The following PLPPR5 variants were observed in gnomAD, a reference collection of about 807,000 sequenced individuals.
PLPPR5 encodes phospholipid phosphatase-related protein type 5.
PLPPR5 carries 16 observed loss-of-function variants against 33.9 expected under a neutral mutation model. The observed-to-expected ratio is 0.47, with a 90% CI of 0.32 to 0.72. PLPPR5 has a LOEUF of 0.72. PLPPR5 is among the 30% of genes least tolerant of loss of function. The pLI is 0.03. For missense variants in PLPPR5, 301 were observed against 406.7 expected, an observed-to-expected ratio of 0.74 and a Z score of 2.23; for synonymous variants, 163 against 150.3, an observed-to-expected ratio of 1.08 and a Z score of -0.62.
intron 1 of PLPPR5, among the ~76,000 whole-genome samples, chr1:98,965,630 T>A (rs535756808): frequency 1.3e-5 from 2 of 152,364 alleles, no homozygotes; most frequent in South Asian, 4.1e-4. Context: ...ACCTTTGTTA[T>A]GCATAGTCCA....
Position 98,891,885 on chromosome 1 carries a change from A to G in PLPPR5, c.*1187T>C, listed in dbSNP as rs754855893. 1 of 152,098 alleles carries G rather than the reference A, an allele frequency of 6.6e-6. No individual in the cohort carries two copies. Among genetic ancestry groups the G allele is most frequent in the Non-Finnish European group, 1.5e-5 (1 of 68,004 alleles). 9.4% of individuals were successfully genotyped at this position (152,098 alleles called of 1,614,324 possible). On this transcript the variant is annotated 3_prime_UTR_variant, in exon 6 of 6. Transcript: ENST00000263177. ...GACAGCTGTGCTATATTAGAAAGGA[A>G]TATGAGTTCAGGGCCAGAAAACTTG...
Position 98,952,650 on chromosome 1 carries a change from G to A in PLPPR5, c.621+420C>T, listed in dbSNP as rs555418840. Among the ~76,000 whole-genome samples the A allele has an allele frequency of 4.3e-4, 65 of 152,294 alleles. 2 individuals carry two copies. The highest frequency in any genetic ancestry group is 3.6e-3 in the Admixed American group (55 of 15,302). On this transcript the variant is annotated intron_variant, in intron 3 of 5. Coordinates refer to ENST00000263177, the MANE Select transcript of PLPPR5 (RefSeq NM_001037317.2). ...AGATATAGTTGCCTGTAATAATAGT[G>A]CTTTCTAGAAAAAAAGAGTGTCCCT...
chr1:99,000,303 G>T (rs1652785349), intron 1 of PLPPR5, among the ~76,000 whole-genome samples: 1 of 152,122 alleles, frequency 6.6e-6, no homozygotes, highest in Admixed American at 6.5e-5. Context: ...TGAAGAGTTT[G>T]AAATTATGTA....
chr1:98,921,805 T>C (rs1287001348), intron 4 of PLPPR5, 77 bp downstream of exon 4: 3 of 1,198,826 alleles, frequency 2.5e-6, no homozygotes, highest in Non-Finnish European at 3.6e-6. Flanking sequence ...AACCCAGTGA[T>C]TCACACTTGT....
At chr1:98,990,283 C>A (rs757412767) in intron 1 of PLPPR5, among the ~76,000 whole-genome samples, 1 of 152,026 alleles carries the variant, frequency 6.6e-6, no homozygotes, top group African/African-American at 2.4e-5. Flanking sequence ...GCAGGAGAAT[C>A]GCTTGAACCC....
At chr1:98,944,779 A>G (rs1349815566) in intron 3 of PLPPR5, among the ~76,000 whole-genome samples, 1 of 152,234 alleles carries the variant, frequency 6.6e-6, no homozygotes, top group East Asian at 1.9e-4. Flanking sequence ...TACCTGGGCC[A>G]TGGATCCAGC....
At chr1:98,976,091 G>GT (rs1651840427) in intron 1 of PLPPR5, among the ~76,000 whole-genome samples, 2 of 24,032 alleles carry the variant, frequency 8.3e-5, no homozygotes, top group African/African-American at 1.8e-4. Flanking sequence ...CTACTAAAAA[G>GT]TAAAAAAAAA....
chr1:98,904,109 G>A (rs895704646), intron 5 of PLPPR5, among the ~76,000 whole-genome samples: 2 of 152,010 alleles, frequency 1.3e-5, no homozygotes, highest in African/African-American at 4.8e-5. Context: ...TGGAGCTATC[G>A]TCACTTCTTA....
intron 1 of PLPPR5, among the ~76,000 whole-genome samples, chr1:98,958,990 C>T (rs1480128849): frequency 3.3e-5 from 5 of 151,242 alleles, no homozygotes; most frequent in African/African-American, 1.2e-4. Flanking sequence ...GCTAAACTCC[C>T]TAGAATGTAG....
At chr1:98,899,065 C>A (rs538136486) in intron 5 of PLPPR5, among the ~76,000 whole-genome samples, 3 of 152,222 alleles carry the variant, frequency 2.0e-5, no homozygotes, top group African/African-American at 7.2e-5. Flanking sequence ...GCTGGAATCA[C>A]CCAGGATCTT....
chr1:98,942,054 GAGAT>G (rs1350530744), intron 3 of PLPPR5, among the ~76,000 whole-genome samples: 1 of 123,156 alleles, frequency 8.1e-6, no homozygotes, highest in Non-Finnish European at 1.7e-5. Context: ...GTATATATGA[GAGAT>G]AGAGAGAGAG....
intron 1 of PLPPR5, among the ~76,000 whole-genome samples, chr1:98,990,122 A>G (rs1652399696): frequency 6.6e-6 from 1 of 152,206 alleles, no homozygotes; most frequent in African/African-American, 2.4e-5. Flanking sequence ...TCACACCAGC[A>G]CTTTGGGAGG....
intron 5 of PLPPR5, among the ~76,000 whole-genome samples, chr1:98,898,164 C>T (rs1246509765): frequency 2.0e-5 from 3 of 152,120 alleles, no homozygotes; most frequent in Non-Finnish European, 2.9e-5. Context: ...GCAATTTATA[C>T]TCCATGTTTT....
chr1:98,942,406 G>A (rs1650408171), intron 3 of PLPPR5, among the ~76,000 whole-genome samples: 1 of 152,142 alleles, frequency 6.6e-6, no homozygotes. Context: ...TTTGACACAG[G>A]GAGGATCAGA....
intron 1 of PLPPR5, among the ~76,000 whole-genome samples, chr1:98,995,586 T>A (rs1461422095): frequency 6.6e-6 from 1 of 152,034 alleles, no homozygotes; most frequent in African/African-American, 2.4e-5. Context: ...CCCAGTGGCT[T>A]ATTCTTAATG....
chr1:98,946,296 T>C (rs1318028258), intron 3 of PLPPR5, among the ~76,000 whole-genome samples: 2 of 152,202 alleles, frequency 1.3e-5, no homozygotes, highest in Non-Finnish European at 2.9e-5. Flanking sequence ...AGGTATTCAA[T>C]ATATATTTAT....
chr1:98,912,993 G>C (rs573940129), intron 5 of PLPPR5, among the ~76,000 whole-genome samples: 1 of 152,120 alleles, frequency 6.6e-6, no homozygotes, highest in South Asian at 2.1e-4. Flanking sequence ...TATAGTAAAA[G>C]GAAATTTTAT....
intron 3 of PLPPR5, among the ~76,000 whole-genome samples, chr1:98,938,435 A>C (rs1247991667): frequency 4.7e-5 from 7 of 149,586 alleles, no homozygotes; most frequent in Non-Finnish European, 8.9e-5. Context: ...AAAAAAAAAA[A>C]AAGTATAGTA....
chr1:98,966,693 C>A (rs1271362051), intron 1 of PLPPR5, among the ~76,000 whole-genome samples: 2 of 152,150 alleles, frequency 1.3e-5, no homozygotes, highest in Non-Finnish European at 2.9e-5. Flanking sequence ...AGTTGCGGAT[C>A]TGAACCTTTG....
Sources: gnomAD v4.1 joint callset for allele counts (sites outside exome capture counted in the v4.1 genomes callset) on GRCh38, gnomAD v4.1.1 for gene constraint, MANE v1.5 for transcripts, NCBI Gene and HGNC (gene_info 2026-07-23, HGNC 2026-07-21) for gene names.